Variants in PRKAG2 observed in about 807,000 individuals in gnomAD.
PRKAG2 encodes the protein 5'-AMP-activated protein kinase subunit gamma-2.
A neutral mutation model predicts 69.6 loss-of-function variants in PRKAG2; 26 were observed. The ratio of observed to expected loss-of-function variants is 0.37; its 90% CI spans 0.27 to 0.52. The LOEUF is 0.52. PRKAG2 is among the 20% of genes least tolerant of loss of function. The pLI, the probability that PRKAG2 is intolerant of heterozygous loss-of-function variation, is 0.90. For missense variants in PRKAG2, 557 were observed against 740.0 expected, an observed-to-expected ratio of 0.75 and a Z score of 2.87; for synonymous variants, 293 against 285.0, an observed-to-expected ratio of 1.03 and a Z score of -0.28.
chr7:151,675,753 C>G (rs1352729572), intron 3 of PRKAG2, 116 bp from the exon 4 acceptor site: 1 of 1,035,044 alleles, frequency 9.7e-7, no homozygotes, highest in African/African-American at 1.7e-5. Context: ...GGTCCGGCCT[C>G]CAGGAAGGGA....
intron 5 of PRKAG2, among the ~76,000 whole-genome samples, chr7:151,630,774 A>AT (rs1222247148): frequency 6.6e-6 from 1 of 152,252 alleles, no homozygotes. Flanking sequence ...AGCGGCCAAG[A>AT]TTTGGCCTGC....
At chr7:151,824,312 C>T (rs1259322309) in intron 1 of PRKAG2, among the ~76,000 whole-genome samples, 1 of 152,188 alleles carries the variant, frequency 6.6e-6, no homozygotes, top group Non-Finnish European at 1.5e-5. Context: ...TCCCCACTTC[C>T]TGTCATCCTG....
chr7:151,789,236 C>T (rs1035970551), intron 1 of PRKAG2, among the ~76,000 whole-genome samples: 1 of 152,124 alleles, frequency 6.6e-6, no homozygotes, highest in African/African-American at 2.4e-5. Context: ...ATCTATAGAC[C>T]ACTTTGGGTA....
At chr7:151,858,428 C>G (rs963622838) in intron 1 of PRKAG2, among the ~76,000 whole-genome samples, 1 of 152,186 alleles carries the variant, frequency 6.6e-6, no homozygotes, top group Non-Finnish European at 1.5e-5. Context: ...TTATGCATAC[C>G]TTGTGTCACT....
intron 1 of PRKAG2, among the ~76,000 whole-genome samples, chr7:151,798,037 C>T (rs577931196): frequency 6.6e-6 from 1 of 152,368 alleles, no homozygotes; most frequent in Admixed American, 6.5e-5. Flanking sequence ...CAGAGTCTTG[C>T]TCTGTCATCC....
At position 151,583,414 on chromosome 7, in the gene PRKAG2, C is replaced by A. The variant is rs1250534301; in HGVS notation, c.865-6962G>T. Among the ~76,000 whole-genome samples the A allele has an allele frequency of 6.6e-6, 1 of 152,198 alleles. No individual in the cohort carries two copies. The highest frequency in any genetic ancestry group is 2.4e-5 in the African/African-American group (1 of 41,434). ...TAATATTCCAAACGGACATGATACT[C>A]GTACAATGCATTAAAGAGCAGTGTC... is the stretch of plus-strand genomic sequence containing the variant. On this transcript the variant is annotated intron_variant, in intron 6 of 15. Transcript: ENST00000287878. The surrounding 1 kb of genome is among the most constrained non-coding windows in gnomAD (Gnocchi z 4.1).
rs564821148 is a variant in PRKAG2 at position 151,625,739 on chromosome 7, A to G, written c.754+6330T>C. 5.9e-5 allele frequency among the ~76,000 whole-genome samples: 9 copies of G among 152,280 alleles called. No individual in the cohort carries two copies. In the South Asian group the frequency reaches 1.7e-3, roughly 28 times the overall value. ...CTGGGAGGATGCGGGCATTTATGGA[A>G]TCAGGCTGGTTAAAAAGAAAGAAAA... On this transcript the variant is annotated intron_variant, in intron 5 of 15. Coordinates refer to ENST00000287878, the MANE Select transcript of PRKAG2 (RefSeq NM_016203.4).
chr7:151,695,002 C>T (rs892422785), intron 3 of PRKAG2, among the ~76,000 whole-genome samples: 4 of 152,242 alleles, frequency 2.6e-5, no homozygotes, highest in South Asian at 4.1e-4. Flanking sequence ...TCAGCAGGCC[C>T]GGGCAGGGAG....
intron 1 of PRKAG2, among the ~76,000 whole-genome samples, chr7:151,840,388 C>G (rs545002598): frequency 2.0e-5 from 3 of 152,182 alleles, no homozygotes; most frequent in Non-Finnish European, 4.4e-5. Flanking sequence ...GTTAGTTACT[C>G]ATTCATTCAT....
chr7:151,718,255 C>T lies in PRKAG2; in HGVS notation c.467-42618G>A, dbSNP rs544244494. Among the ~76,000 whole-genome samples, 12 of 148,788 alleles carry T rather than the reference C, an allele frequency of 8.1e-5. No homozygotes were observed. In the South Asian group the frequency reaches 1.1e-3, roughly 13 times the overall value. On this transcript the variant is annotated intron_variant, in intron 3 of 15. Transcript: ENST00000287878. ...ACCCTCTTCCTGGCTTGCAGACAGC[C>T]GCCTTCCCATGGTGGTGGGTGGAGG...
chr7:151,635,750 G>A (rs1383252366), intron 4 of PRKAG2, among the ~76,000 whole-genome samples: 3 of 152,104 alleles, frequency 2.0e-5, no homozygotes, highest in African/African-American at 7.2e-5. Flanking sequence ...TGTGGTGACC[G>A]AACTGTTCTA....
intron 3 of PRKAG2, among the ~76,000 whole-genome samples, chr7:151,734,979 C>A (rs987051379): frequency 6.6e-6 from 1 of 150,886 alleles, no homozygotes; most frequent in East Asian, 1.9e-4. Flanking sequence ...CTTAGCCTCC[C>A]GAGTAGCTGG....
chr7:151,676,953 CA>C (rs1304845418), intron 3 of PRKAG2, among the ~76,000 whole-genome samples: 2 of 152,210 alleles, frequency 1.3e-5, no homozygotes, highest in African/African-American at 4.8e-5. Context: ...CTGGCAAACC[CA>C]GAAGCCAGGG....
chr7:151,596,578 G>A (rs1236180095), intron 5 of PRKAG2, among the ~76,000 whole-genome samples: 1 of 151,854 alleles, frequency 6.6e-6, no homozygotes, highest in African/African-American at 2.4e-5. Flanking sequence ...GAGAAACCCC[G>A]TCTCTACTAA....
At chr7:151,721,326 C>T (rs1437149951) in intron 3 of PRKAG2, among the ~76,000 whole-genome samples, 4 of 152,180 alleles carry the variant, frequency 2.6e-5, no homozygotes, top group Non-Finnish European at 5.9e-5. Flanking sequence ...TCTGGAGCTG[C>T]CTTCTGCCTA....
chr7:151,616,973 T>C (rs1820293809), intron 5 of PRKAG2, among the ~76,000 whole-genome samples: 1 of 152,000 alleles, frequency 6.6e-6, no homozygotes, highest in African/African-American at 2.4e-5. Context: ...AAACGCACAC[T>C]ACTAGGCCGG....
intron 5 of PRKAG2, among the ~76,000 whole-genome samples, chr7:151,619,889 C>T (rs12536910): frequency 0.018 from 2,792 of 152,098 alleles, 52 homozygotes; most frequent in Non-Finnish European, 0.028. Flanking sequence ...GGCATGGTGG[C>T]GCATGCCTGT....
At chr7:151,692,638 C>A (rs1198212558) in intron 3 of PRKAG2, among the ~76,000 whole-genome samples, 1 of 151,934 alleles carries the variant, frequency 6.6e-6, no homozygotes, top group Non-Finnish European at 1.5e-5. Context: ...ACAACAGTGC[C>A]CTAACATGAG....
intron 1 of PRKAG2, among the ~76,000 whole-genome samples, chr7:151,797,722 A>G (rs1408499682): frequency 1.3e-5 from 2 of 152,234 alleles, no homozygotes; most frequent in African/African-American, 2.4e-5. Context: ...AGGAAATACC[A>G]TGGACTTAAA....
Sources: gnomAD v4.1 joint callset for allele counts (sites outside exome capture counted in the v4.1 genomes callset) on GRCh38, gnomAD v4.1.1 for gene constraint, Gnocchi (gnomAD v3.1) non-coding constraint, MANE v1.5 for transcripts, NCBI Gene and HGNC (gene_info 2026-07-23, HGNC 2026-07-21) for gene names.